The following SLC22A23 variants were observed in gnomAD, a reference collection of about 807,000 sequenced individuals.
SLC22A23 encodes solute carrier family 22 member 23.
In SLC22A23, 26 loss-of-function variants were observed where a neutral mutation model predicts 61.0. The ratio of observed to expected loss-of-function variants is 0.43; its 90% CI spans 0.31 to 0.59. The LOEUF (loss-of-function observed/expected upper bound fraction) is 0.59, where lower values mean the gene tolerates loss of function less well. SLC22A23 is among the 20% of genes least tolerant of loss of function. The pLI, the probability that SLC22A23 is intolerant of heterozygous loss-of-function variation, is 0.11. For synonymous variants in SLC22A23, 430 were observed against 413.9 expected (o/e 1.04, Z -0.47); for missense variants, 796 against 934.7 (o/e 0.85, Z 1.94).
chr6:3,315,995 G>A (rs1438829755), intron 4 of SLC22A23, among the ~76,000 whole-genome samples: 1 of 152,184 alleles, frequency 6.6e-6, no homozygotes, highest in Non-Finnish European at 1.5e-5. Context: ...CCAAACAGCA[G>A]GGCTCAGCGG....
In SLC22A23 at chr6:3,270,243, G is replaced by A. The variant is rs936269057; in HGVS notation, c.*2812C>T. On this transcript the variant is annotated 3_prime_UTR_variant, in exon 10 of 10. Coordinates refer to ENST00000406686, the MANE Select transcript of SLC22A23 (RefSeq NM_015482.2). ...GTGCCTGCGAAGGGTCTCCCTATTA[G>A]CCAGGAAGGGAACAGCACAGAGGGG... 6.6e-6 allele frequency: 1 copy of A among 152,372 alleles called. No homozygotes were observed. The highest frequency in any genetic ancestry group is 1.5e-5 in the Non-Finnish European group (1 of 68,098). 9.4% of individuals were successfully genotyped at this position (152,372 alleles called of 1,614,324 possible).
intron 1 of SLC22A23, among the ~76,000 whole-genome samples, chr6:3,451,619 G>T (rs866810547): frequency 5.3e-5 from 8 of 152,334 alleles, no homozygotes; most frequent in Middle Eastern, 6.8e-3. Context: ...GGGCTGCGCA[G>T]GGAATGCTGG....
intron 1 of SLC22A23, among the ~76,000 whole-genome samples, chr6:3,442,075 A>G (rs1275721850): frequency 3.3e-5 from 5 of 152,236 alleles, no homozygotes; most frequent in African/African-American, 1.2e-4. Flanking sequence ...GTGCAGGCAC[A>G]CAATGGCGTA....
At chr6:3,319,302 G>T (rs1762814390) in intron 4 of SLC22A23, among the ~76,000 whole-genome samples, 1 of 152,164 alleles carries the variant, frequency 6.6e-6, no homozygotes, top group Non-Finnish European at 1.5e-5. Context: ...GCCAACTTTT[G>T]CCTTGGCTGA....
chr6:3,393,862 G>A (rs1767828153), intron 3 of SLC22A23, among the ~76,000 whole-genome samples: 1 of 152,228 alleles, frequency 6.6e-6, no homozygotes, highest in East Asian at 1.9e-4. Context: ...CGAGGCAACG[G>A]CCTCTCAGGC....
chr6:3,381,804 G>C (rs1272190575), intron 3 of SLC22A23, among the ~76,000 whole-genome samples: 6 of 152,126 alleles, frequency 3.9e-5, no homozygotes, highest in African/African-American at 1.4e-4. Flanking sequence ...GCATCCTCTT[G>C]GCCTCCCTCA....
Position 3,317,719 on chromosome 6 carries a change from G to A in SLC22A23, c.1082+6115C>T, listed in dbSNP as rs904937500. 4.6e-5 allele frequency among the ~76,000 whole-genome samples: 7 copies of A among 152,054 alleles called. No individual in the cohort carries two copies. In the East Asian group the frequency reaches 1.2e-3, roughly 25 times the overall value. On this transcript the variant is annotated intron_variant, in intron 4 of 9. Coordinates refer to ENST00000406686, the MANE Select transcript of SLC22A23 (RefSeq NM_015482.2). The surrounding 1 kb of genome is among the most constrained non-coding windows in gnomAD (Gnocchi z 4.4). Reference sequence around the variant, plus strand: ...CAGTGCAATCACCCAGCGCTTTGACGGCGTCTACTTTCAGGTGAAAAACAC... The same window carrying A: ...CAGTGCAATCACCCAGCGCTTTGACAGCGTCTACTTTCAGGTGAAAAACAC...
chr6:3,414,049 G>C lies in SLC22A23; in HGVS notation c.758+1703C>G, dbSNP rs994902240. ...TCCTCAGGCCTGGTGTGTGATCAGGGAGGCCACATCACATGTGTGTACAAG... is the reference window on the plus strand; with the variant it reads ...TCCTCAGGCCTGGTGTGTGATCAGGCAGGCCACATCACATGTGTGTACAAG... On this transcript the variant is annotated intron_variant, in intron 2 of 9. Transcript: ENST00000406686. This position sits in a 1 kb window ranked among gnomAD's most constrained non-coding sequence, Gnocchi z 5.1. Among the ~76,000 whole-genome samples, 1 of 152,200 alleles carries C rather than the reference G, an allele frequency of 6.6e-6. No homozygotes were observed. The highest frequency in any genetic ancestry group is 2.1e-4 in the South Asian group (1 of 4,832).
intron 9 of SLC22A23, among the ~76,000 whole-genome samples, chr6:3,278,293 TAGAA>T (rs777024863): frequency 1.3e-4 from 20 of 152,320 alleles, no homozygotes; most frequent in Non-Finnish European, 2.2e-4. Flanking sequence ...CACTTCATAT[TAGAA>T]AGCCCTTCCC....
chr6:3,281,125 C>T (rs1046394624), intron 9 of SLC22A23, among the ~76,000 whole-genome samples: 7 of 152,218 alleles, frequency 4.6e-5, no homozygotes, highest in African/African-American at 7.2e-5. Context: ...AGAAAAGATC[C>T]GCCCCAGCAC....
intron 1 of SLC22A23, among the ~76,000 whole-genome samples, chr6:3,434,238 G>A (rs1029169241): frequency 2.0e-5 from 3 of 152,044 alleles, no homozygotes; most frequent in Non-Finnish European, 2.9e-5. Flanking sequence ...ACTTGAACCC[G>A]GGATGCGGAG....
intron 6 of SLC22A23, among the ~76,000 whole-genome samples, chr6:3,288,042 T>A (rs1053735560): frequency 6.6e-6 from 1 of 152,168 alleles, no homozygotes; most frequent in Non-Finnish European, 1.5e-5. Flanking sequence ...GTCAAGCTTC[T>A]TTATTGCCCC....
chr6:3,287,392 T>G (rs1156625988), intron 6 of SLC22A23, among the ~76,000 whole-genome samples: 6 of 152,176 alleles, frequency 3.9e-5, no homozygotes, highest in African/African-American at 1.4e-4. Flanking sequence ...CACACTTTCA[T>G]GGGAATCCTC....
At chr6:3,428,588 A>G (rs1165034737) in intron 1 of SLC22A23, among the ~76,000 whole-genome samples, 1 of 152,228 alleles carries the variant, frequency 6.6e-6, no homozygotes, top group Non-Finnish European at 1.5e-5. Flanking sequence ...AAAGCTTGCC[A>G]CAGGACAGTC....
intron 3 of SLC22A23, among the ~76,000 whole-genome samples, chr6:3,407,700 T>C (rs76056517): frequency 0.011 from 1,709 of 152,362 alleles, 36 homozygotes; most frequent in African/African-American, 0.039. Flanking sequence ...ACTTGGGACA[T>C]TTTCACTGCA....
intron 3 of SLC22A23, among the ~76,000 whole-genome samples, chr6:3,341,398 A>T (rs1561910224): frequency 6.6e-6 from 1 of 152,244 alleles, no homozygotes; most frequent in African/African-American, 2.4e-5. Context: ...GACACACCTG[A>T]AACTTTTTAG....
intron 1 of SLC22A23, among the ~76,000 whole-genome samples, chr6:3,421,315 T>C (rs1486046677): frequency 6.6e-6 from 1 of 152,192 alleles, no homozygotes; most frequent in Non-Finnish European, 1.5e-5. Context: ...TTCCCTTTCT[T>C]GGAACTTTAT....
intron 3 of SLC22A23, among the ~76,000 whole-genome samples, chr6:3,378,507 C>G (rs746978144): frequency 6.6e-6 from 1 of 152,120 alleles, no homozygotes; most frequent in Non-Finnish European, 1.5e-5. Context: ...TTATGTGGTT[C>G]TTATCTGTCG....
At chr6:3,319,540 G>A (rs1762831928) in intron 4 of SLC22A23, among the ~76,000 whole-genome samples, 1 of 152,154 alleles carries the variant, frequency 6.6e-6, no homozygotes, top group Non-Finnish European at 1.5e-5. Flanking sequence ...GCTTGCTCTG[G>A]AGATGTATCT....
Sources: allele counts gnomAD v4.1 joint callset (sites outside exome capture counted in the v4.1 genomes callset), GRCh38; gene constraint gnomAD v4.1.1; non-coding constraint Gnocchi (gnomAD v3.1); transcripts MANE v1.5; gene names NCBI Gene and HGNC (gene_info 2026-07-23, HGNC 2026-07-21).